The following PRCP variants were observed in gnomAD, a reference collection of about 807,000 sequenced individuals.
The protein encoded by PRCP is lysosomal Pro-X carboxypeptidase.
Under a neutral mutation model 54.2 loss-of-function variants are expected in PRCP, and 46 were observed. That is an observed-to-expected ratio of 0.85 (90% CI 0.67 to 1.09). The LOEUF (loss-of-function observed/expected upper bound fraction) is 1.09. Ranked by LOEUF, PRCP falls within the 50% of genes least tolerant of loss-of-function variation. PRCP has a pLI of 0.00. For missense variants in PRCP, 613 were observed against 596.8 expected (o/e 1.03, Z -0.28); for synonymous variants, 240 against 212.2 (o/e 1.13, Z -1.14).
chr11:82,863,882 A>G (rs2121188661), intron 1 of PRCP, among the ~76,000 whole-genome samples: 1 of 152,326 alleles, frequency 6.6e-6, no homozygotes, highest in South Asian at 2.1e-4. Flanking sequence ...GAACCCTGGC[A>G]AGAAAGCAGA....
At chr11:82,834,878 C>T (rs1858480452) in intron 8 of PRCP, among the ~76,000 whole-genome samples, 1 of 152,164 alleles carries the variant, frequency 6.6e-6, no homozygotes, top group African/African-American at 2.4e-5. Context: ...AGTTTGGGAC[C>T]AGCCTGGCCA....
intron 2 of PRCP, among the ~76,000 whole-genome samples, chr11:82,854,230 T>C (rs957845402): frequency 6.6e-6 from 1 of 152,170 alleles, no homozygotes; most frequent in Non-Finnish European, 1.5e-5. Flanking sequence ...TTTTCACAAA[T>C]GATATGATGC....
intron 1 of PRCP, among the ~76,000 whole-genome samples, chr11:82,863,089 C>T (rs1859245978): frequency 6.6e-6 from 1 of 152,174 alleles, no homozygotes; most frequent in Admixed American, 6.5e-5. Flanking sequence ...CACCTGAGAA[C>T]TTGCTGAAAA....
In PRCP at chr11:82,839,334, G is replaced by A. The variant is rs1044013383; in HGVS notation, c.1013C>T (p.Ser338Leu). The A allele has an allele frequency of 8.1e-6, 13 of 1,613,814 alleles. No individual in the cohort carries two copies. The highest frequency in any genetic ancestry group is 4.0e-5 in the African/African-American group (3 of 74,904). Residue 338 changes from serine to leucine, a missense_variant, in exon 7 of 9, where the codon TCG becomes TTG. Ser to Leu is a moderately radical substitution (Grantham distance 145, BLOSUM62 -2). Transcript: ENST00000313010. ...AATATTCAGGCATTTCACCTGGCCC[G>A]AATAATTGTAATATACATTCAGAGC... ...FQALNVYYNY[S>L]GQVKCLNISE...
chr11:82,899,947 G>T, intron 1 of PRCP: 1 of 398,032 alleles, frequency 2.5e-6, no homozygotes, highest in Non-Finnish European at 4.6e-6. Flanking sequence ...TCGGATTGGG[G>T]CACCCTCTGG....
chr11:82,852,450 T>G (rs1215682387), intron 3 of PRCP, among the ~76,000 whole-genome samples: 1 of 152,218 alleles, frequency 6.6e-6, no homozygotes, highest in Non-Finnish European at 1.5e-5. Context: ...TAATGGAACA[T>G]TTATTGCTTC....
chr11:82,853,471 T>C (rs1204901050), intron 2 of PRCP, among the ~76,000 whole-genome samples, 193 bp from the exon 3 acceptor site: 4 of 152,204 alleles, frequency 2.6e-5, no homozygotes, highest in African/African-American at 9.7e-5. Context: ...TCTCACACTT[T>C]ATGAGTGAAA....
intron 6 of PRCP, among the ~76,000 whole-genome samples, chr11:82,842,072 T>C (rs771788830): frequency 6.6e-6 from 1 of 152,130 alleles, no homozygotes; most frequent in Non-Finnish European, 1.5e-5. Flanking sequence ...GAGGTAGTGA[T>C]GTGCAGCAAC....
At chr11:82,825,564 T>C (rs555047739) in intron 8 of PRCP, 2 of 159,994 alleles carry the variant, frequency 1.3e-5, no homozygotes, top group South Asian at 3.3e-4. Flanking sequence ...AGCCCAGGAG[T>C]TCAAAACAAG....
chr11:82,850,109 G>GAAAA (rs33954574), intron 4 of PRCP, 38 bp from the exon 5 acceptor site: 1 of 964,774 alleles, frequency 1.0e-6, no homozygotes, highest in Non-Finnish European at 1.4e-6. Flanking sequence ...AAAAAGAAAA[G>GAAAA]AAAAAATATA....
upstream of PRCP, chr11:82,900,810 G>A (rs1289958692): frequency 2.2e-6 from 1 of 463,982 alleles, no homozygotes; most frequent in South Asian, 1.5e-5. Flanking sequence ...ACCCTGCCCT[G>A]GCCACCGCAA....
At chr11:82,888,954 T>A (rs994110403) in intron 1 of PRCP, among the ~76,000 whole-genome samples, 8 of 152,178 alleles carry the variant, frequency 5.3e-5, no homozygotes, top group African/African-American at 1.9e-4. Context: ...CTGCTTTAAA[T>A]GTAGAATAAG....
At chr11:82,883,619 G>T (rs1859801297) in intron 1 of PRCP, among the ~76,000 whole-genome samples, 1 of 152,114 alleles carries the variant, frequency 6.6e-6, no homozygotes, top group East Asian at 1.9e-4. Flanking sequence ...CGGAAGGCAG[G>T]GGTCAGTCAG....
At chr11:82,839,145 G>C in intron 7 of PRCP, 116 bp downstream of exon 7, 1 of 1,067,734 alleles carries the variant, frequency 9.4e-7, no homozygotes, top group Non-Finnish European at 1.4e-6. Context: ...TAAGGTAACA[G>C]AGCCCAAAAC....
intron 3 of PRCP, among the ~76,000 whole-genome samples, chr11:82,850,936 C>T (rs1385412361): frequency 6.6e-6 from 1 of 151,956 alleles, no homozygotes; most frequent in Admixed American, 6.6e-5. Flanking sequence ...CCTTCTTCAT[C>T]GGAAAGATTA....
At chr11:82,878,144 A>T (rs1442274049) in intron 1 of PRCP, among the ~76,000 whole-genome samples, 1 of 152,114 alleles carries the variant, frequency 6.6e-6, no homozygotes, top group African/African-American at 2.4e-5. Context: ...AATCTCTCCC[A>T]TTTGGAATGG....
chr11:82,889,669 G>C lies in PRCP; in HGVS notation c.168+10566C>G, dbSNP rs144525227. On this transcript the variant is annotated intron_variant, in intron 1 of 8. Transcript: ENST00000313010. ...TAAAAGAGGTAAGGCCCATGGGAGAGAGAGATTCCAGGCAAAGGGAACAAT... is the reference window on the plus strand; with the variant it reads ...TAAAAGAGGTAAGGCCCATGGGAGACAGAGATTCCAGGCAAAGGGAACAAT... Among the ~76,000 whole-genome samples the C allele has an allele frequency of 1.4e-3, 208 of 152,310 alleles. 3 individuals carry two copies. Among genetic ancestry groups the C allele is most frequent in the African/African-American group, 4.7e-3 (196 of 41,548 alleles).
intron 8 of PRCP, among the ~76,000 whole-genome samples, chr11:82,835,357 T>C (rs909412659): frequency 1.2e-4 from 19 of 152,320 alleles, no homozygotes; most frequent in African/African-American, 3.8e-4. Flanking sequence ...CTAAAAGCTT[T>C]TGGCTATGTA....
intron 1 of PRCP, among the ~76,000 whole-genome samples, chr11:82,898,973 C>A (rs1860181933): frequency 6.7e-6 from 1 of 149,658 alleles, no homozygotes; most frequent in Admixed American, 6.7e-5. Flanking sequence ...GACAAAATCC[C>A]ATCTCTATTT....
Sources: allele counts gnomAD v4.1 joint callset (sites outside exome capture counted in the v4.1 genomes callset), GRCh38; gene constraint gnomAD v4.1.1; transcripts MANE v1.5; gene names NCBI Gene and HGNC (gene_info 2026-07-23, HGNC 2026-07-21).